Variants in P3H2 observed in about 807,000 individuals in gnomAD.
The protein encoded by P3H2 is leprecan-like 1.
Under a neutral mutation model 87.0 loss-of-function variants are expected in P3H2, and 80 were observed. That is an observed-to-expected ratio of 0.92 (90% confidence interval 0.77 to 1.11). The LOEUF (loss-of-function observed/expected upper bound fraction) is 1.11. Ranked by LOEUF, P3H2 falls within the 50% of genes least tolerant of loss-of-function variation. P3H2 has a pLI of 0.00. For missense variants in P3H2, 1,001 were observed against 923.9 expected (o/e 1.08, Z -1.08); for synonymous variants, 367 against 359.3 (o/e 1.02, Z -0.24).
intron 1 of P3H2, among the ~76,000 whole-genome samples, chr3:190,005,703 C>T (rs1201419352): frequency 6.6e-6 from 1 of 152,160 alleles, no homozygotes; most frequent in African/African-American, 2.4e-5. Context: ...AGATTTACTT[C>T]AAAAGTTATT....
At chr3:189,988,869 AC>A (rs747796775) in intron 4 of P3H2, 37 bp downstream of exon 4, 86 of 1,613,090 alleles carry the variant, frequency 5.3e-5, no homozygotes, top group Middle Eastern at 1.7e-4. Flanking sequence ...ATGAACCACA[AC>A]CCCCCAAGAA....
rs913636607 is a variant in P3H2, at chr3:190,006,587, T to C, written c.481-11145A>G. ...CAAGAAGACATACACAGACTATTGA[T>C]ATCAAGAACTGGGAATTTACAAGCT... On this transcript the variant is annotated intron_variant, in intron 1 of 14. Coordinates refer to ENST00000319332, the MANE Select transcript of P3H2 (RefSeq NM_018192.4). Among the ~76,000 whole-genome samples, 4 of 152,160 alleles carry C rather than the reference T, an allele frequency of 2.6e-5. No homozygotes were observed. In the South Asian group the frequency reaches 8.3e-4, roughly 31 times the overall value.
chr3:190,094,059 A>C (rs1006883692), intron 1 of P3H2, among the ~76,000 whole-genome samples: 4 of 152,240 alleles, frequency 2.6e-5, no homozygotes, highest in African/African-American at 9.6e-5. Flanking sequence ...ACAAACATTG[A>C]TATAGAGCAA....
At position 189,986,778 on chromosome 3, in the gene P3H2, T is replaced by C; in HGVS notation, c.1188+10A>G. The C allele has an allele frequency of 6.4e-7, 1 of 1,564,910 alleles. No homozygotes were observed. The highest frequency in any genetic ancestry group is 1.1e-5 in the South Asian group (1 of 90,024). On this transcript the variant is annotated intron_variant, in intron 6 of 14. Coordinates refer to ENST00000319332, the MANE Select transcript of P3H2 (RefSeq NM_018192.4). ...CATTATTTTAATAAACGTTTCCTCTTTCCTCTTACCGGTTCAGTGTATGAA... is the reference window on the plus strand; with the variant it reads ...CATTATTTTAATAAACGTTTCCTCTCTCCTCTTACCGGTTCAGTGTATGAA...
chr3:189,967,906 T>C (rs977816206), intron 13 of P3H2, among the ~76,000 whole-genome samples: 10 of 152,196 alleles, frequency 6.6e-5, no homozygotes, highest in African/African-American at 2.4e-4. Flanking sequence ...ATAACATATG[T>C]GTGTCATAAA....
intron 1 of P3H2, among the ~76,000 whole-genome samples, chr3:190,077,419 A>ACCTCCC (rs751587363): frequency 1.3e-5 from 2 of 152,056 alleles, no homozygotes; most frequent in Non-Finnish European, 2.9e-5. Context: ...CTAGGTCTCC[A>ACCTCCC]CCTCCCTTTC....
chr3:189,977,293 T>G (rs956919631), intron 8 of P3H2, among the ~76,000 whole-genome samples: 1 of 152,200 alleles, frequency 6.6e-6, no homozygotes, highest in African/African-American at 2.4e-5. Flanking sequence ...CTCAGTCTCT[T>G]GCCTTCTCCG....
intron 1 of P3H2, among the ~76,000 whole-genome samples, chr3:190,111,411 A>C (rs1302563161): frequency 6.6e-6 from 1 of 152,064 alleles, no homozygotes. Context: ...TGGGCCACTC[A>C]ATTCTCTTTT....
intron 1 of P3H2, among the ~76,000 whole-genome samples, chr3:190,029,492 G>A (rs1725185984): frequency 6.6e-6 from 1 of 151,804 alleles, no homozygotes; most frequent in African/African-American, 2.4e-5. Flanking sequence ...GGAAATTGGT[G>A]ACTTTCTTTT....
intron 6 of P3H2, among the ~76,000 whole-genome samples, chr3:189,986,006 C>T (rs1723684021): frequency 6.6e-6 from 1 of 152,094 alleles, no homozygotes. Context: ...AAAGCTATGT[C>T]TTCATATAAA....
intron 1 of P3H2, among the ~76,000 whole-genome samples, chr3:190,076,129 G>C (rs1726868688): frequency 6.6e-6 from 1 of 151,074 alleles, no homozygotes; most frequent in Non-Finnish European, 1.5e-5. Context: ...GTCAGCAGTG[G>C]TGATTTCCAG....
At chr3:190,112,989 G>A (rs377006611) in intron 1 of P3H2, among the ~76,000 whole-genome samples, 49 of 152,296 alleles carry the variant, frequency 3.2e-4, no homozygotes, top group African/African-American at 1.1e-3. Flanking sequence ...TTTTCCACCA[G>A]ACAACTGTGA....
At chr3:189,983,950 T>C (rs1723613351) in intron 7 of P3H2, among the ~76,000 whole-genome samples, 1 of 152,176 alleles carries the variant, frequency 6.6e-6, no homozygotes, top group East Asian at 1.9e-4. Flanking sequence ...GGGAGAGGGA[T>C]AGCATTAGGA....
chr3:190,073,179 C>T (rs1185927682), intron 1 of P3H2, among the ~76,000 whole-genome samples: 1 of 152,172 alleles, frequency 6.6e-6, no homozygotes, highest in Non-Finnish European at 1.5e-5. Flanking sequence ...TAAATGGATG[C>T]TCACCTTGTG....
chr3:189,969,944 A>G (rs1560340819), intron 13 of P3H2: 3 of 724,430 alleles, frequency 4.1e-6, no homozygotes, highest in Non-Finnish European at 7.5e-6. Flanking sequence ...AGCAGTCGAA[A>G]ATATATTTTT....
At chr3:190,029,072 A>G (rs1325531831) in intron 1 of P3H2, among the ~76,000 whole-genome samples, 1 of 152,196 alleles carries the variant, frequency 6.6e-6, no homozygotes, top group Admixed American at 6.5e-5. Flanking sequence ...GTTCTTGCCA[A>G]ATTCTAGTGT....
intron 1 of P3H2, among the ~76,000 whole-genome samples, chr3:190,083,334 T>C (rs1352588120): frequency 6.6e-6 from 1 of 152,102 alleles, no homozygotes; most frequent in South Asian, 2.1e-4. Flanking sequence ...TTGTGCCTTA[T>C]CCACATCAAA....
In P3H2 at chr3:190,120,288, T is replaced by TCTGCGCTGGAAGTCG. The variant is rs1560026583; in HGVS notation, c.429_443dup (p.Ser143_Arg147dup). Reference sequence around the variant, plus strand: ...CCCGCTGCAGGTAGTTGTAGGGCACTCTGCGCTGGAAGTCGCTGCGCACAT... The same window carrying TCTGCGCTGGAAGTCG: ...CCCGCTGCAGGTAGTTGTAGGGCACTCTGCGCTGGAAGTCGCTGCGCTGGAAGTCGCTGCGCACAT... On this transcript the variant is annotated inframe_insertion, in exon 1 of 15. Transcript: ENST00000319332. 6.2e-7 allele frequency: 1 copy of TCTGCGCTGGAAGTCG among 1,610,780 alleles called. No homozygotes were observed. The highest frequency in any genetic ancestry group is 8.5e-7 in the Non-Finnish European group (1 of 1,179,308).
At chr3:190,043,499 G>A (rs1402145085) in intron 1 of P3H2, among the ~76,000 whole-genome samples, 2 of 152,180 alleles carry the variant, frequency 1.3e-5, no homozygotes, top group African/African-American at 4.8e-5. Flanking sequence ...CAGGTCACCC[G>A]TGAGAACTTG....
Sources: gnomAD v4.1 joint callset for allele counts (sites outside exome capture counted in the v4.1 genomes callset) on GRCh38, gnomAD v4.1.1 for gene constraint, MANE v1.5 for transcripts, NCBI Gene and HGNC (gene_info 2026-07-23, HGNC 2026-07-21) for gene names.